Variants in ABCC4 observed in about 807,000 individuals in gnomAD.
ABCC4 encodes ATP binding cassette subfamily C member 4 (PEL blood group).
In ABCC4, 102 loss-of-function variants were observed where a neutral mutation model predicts 168.5. The observed-to-expected ratio is 0.61, with a 90% CI of 0.52 to 0.71. ABCC4 has a LOEUF of 0.71. ABCC4 is among the 30% of genes least tolerant of loss of function. The pLI, the probability that ABCC4 is intolerant of heterozygous loss-of-function variation, is 0.00. For synonymous variants in ABCC4, 617 were observed against 590.7 expected, an observed-to-expected ratio of 1.04 and a Z score of -0.65; for missense variants, 1,402 against 1,605.8, an observed-to-expected ratio of 0.87 and a Z score of 2.17.
In ABCC4 at chr13:95,073,311, A is replaced by G. The variant is rs761621325; in HGVS notation, c.2918-7T>C. The G allele has an allele frequency of 1.2e-6, 2 of 1,608,018 alleles. No homozygotes were observed. The highest frequency in any genetic ancestry group is 1.7e-5 in the Admixed American group (1 of 59,750). On this transcript the variant is annotated splice_region_variant and splice_polypyrimidine_tract_variant and intron_variant, in intron 23 of 30. Coordinates refer to ENST00000645237, the MANE Select transcript of ABCC4 (RefSeq NM_005845.5). ...ACCTGCCCGGCATCCAGAGCTACGT[A>G]AGGAGGAAGAAGGGAATAAAGTCAG...
chr13:95,191,081 A>G (rs974739556), intron 9 of ABCC4, among the ~76,000 whole-genome samples: 17 of 152,216 alleles, frequency 1.1e-4, no homozygotes, highest in Non-Finnish European at 2.2e-4. Flanking sequence ...CAAAACCTAA[A>G]GACACTGAGC....
chr13:95,204,581 T>G (rs1290166623), intron 8 of ABCC4, among the ~76,000 whole-genome samples: 1 of 152,208 alleles, frequency 6.6e-6, no homozygotes, highest in African/African-American at 2.4e-5. Flanking sequence ...CCGCCATGAC[T>G]GTGAGTTTCC....
At chr13:95,063,355 G>C (rs1049534453) in intron 25 of ABCC4, among the ~76,000 whole-genome samples, 1 of 152,158 alleles carries the variant, frequency 6.6e-6, no homozygotes, top group Admixed American at 6.5e-5. Context: ...TCAAGACAGA[G>C]GTGTCAGAAG....
chr13:95,055,034 T>C (rs1046943463), intron 26 of ABCC4, among the ~76,000 whole-genome samples: 6 of 152,168 alleles, frequency 3.9e-5, no homozygotes, highest in African/African-American at 1.4e-4. Context: ...AAGTGGCCAA[T>C]ATCCTTCCAA....
chr13:95,206,556 T>C lies in ABCC4; in HGVS notation c.1137A>G (p.Ala379=). Residue 379 remains alanine, a synonymous_variant, in exon 8 of 31, where the codon GCA becomes GCG. Coordinates refer to ENST00000645237, the MANE Select transcript of ABCC4 (RefSeq NM_005845.5). ...CCTGGATTCTTCGGATGCTGACGAT[T>C]GCCTCTGACACCCTCTCAATGGCTG... is the stretch of plus-strand genomic sequence containing the variant. ...FPSAIERVSE[A]IVSIRRIQTF... The C allele has an allele frequency of 6.2e-7, 1 of 1,613,940 alleles. No homozygotes were observed. The highest frequency in any genetic ancestry group is 8.5e-7 in the Non-Finnish European group (1 of 1,179,820).
chr13:95,237,570 A>G (rs895343598), intron 3 of ABCC4, among the ~76,000 whole-genome samples: 1 of 152,162 alleles, frequency 6.6e-6, no homozygotes, highest in Non-Finnish European at 1.5e-5. Flanking sequence ...TGAATGTTCC[A>G]TACTTCAGGT....
intron 30 of ABCC4, among the ~76,000 whole-genome samples, chr13:95,025,217 A>T (rs1337501588): frequency 4.0e-5 from 1 of 25,152 alleles, no homozygotes; most frequent in Non-Finnish European, 7.0e-5. Context: ...CACCCCCCAC[A>T]CACCCCCACA....
chr13:95,292,762 G>C (rs1435423164), intron 1 of ABCC4, among the ~76,000 whole-genome samples: 4 of 152,120 alleles, frequency 2.6e-5, no homozygotes, highest in Non-Finnish European at 5.9e-5. Flanking sequence ...TAAGGAAAAG[G>C]GGAAGATAGG....
intron 3 of ABCC4, among the ~76,000 whole-genome samples, chr13:95,237,923 G>A (rs577952345): frequency 3.7e-4 from 57 of 152,030 alleles, no homozygotes; most frequent in Non-Finnish European, 6.8e-4. Flanking sequence ...AGCCAGGCGC[G>A]GTGGCTCCCA....
At chr13:95,088,252 A>G (rs2034320157) in intron 20 of ABCC4, among the ~76,000 whole-genome samples, 1 of 152,188 alleles carries the variant, frequency 6.6e-6, no homozygotes, top group South Asian at 2.1e-4. Flanking sequence ...AAGTCCGTCT[A>G]TATGCTACCT....
At chr13:95,139,663 A>G (rs1291380046) in intron 19 of ABCC4, among the ~76,000 whole-genome samples, 1 of 152,210 alleles carries the variant, frequency 6.6e-6, no homozygotes, top group Non-Finnish European at 1.5e-5. Flanking sequence ...TCATAAGATG[A>G]GAATTCATCT....
At chr13:95,294,628 T>C (rs575408599) in intron 1 of ABCC4, among the ~76,000 whole-genome samples, 2 of 152,292 alleles carry the variant, frequency 1.3e-5, no homozygotes, top group Admixed American at 1.3e-4. Context: ...CTCAGTTTCA[T>C]GGTCACCTCT....
intron 6 of ABCC4, among the ~76,000 whole-genome samples, chr13:95,208,941 T>C (rs1359339567): frequency 1.3e-5 from 2 of 152,204 alleles, no homozygotes; most frequent in Non-Finnish European, 2.9e-5. Context: ...TCCTAACACA[T>C]ATGCTACTAG....
At chr13:95,056,648 G>GA (rs1272119900) in intron 26 of ABCC4, among the ~76,000 whole-genome samples, 272 of 63,254 alleles carry the variant, frequency 4.3e-3, no homozygotes, top group East Asian at 0.018. Flanking sequence ...TCAAAAAGAA[G>GA]AAAAAAAAAA....
rs181865354 is a variant in ABCC4 at position 95,090,350 on chromosome 13, G to A, written c.2536-7060C>T. Among the ~76,000 whole-genome samples, 50 of 152,230 alleles carry A rather than the reference G, an allele frequency of 3.3e-4. No homozygotes were observed. The East Asian group carries it at 6.2e-3, about 19-fold the overall frequency. ...GAGCATTAAACCAAAGCTAAGAACCGTCACAGGGTCCATTGCACCCCCCGA... is the reference window on the plus strand; with the variant it reads ...GAGCATTAAACCAAAGCTAAGAACCATCACAGGGTCCATTGCACCCCCCGA... On this transcript the variant is annotated intron_variant, in intron 20 of 30. Coordinates refer to ENST00000645237, the MANE Select transcript of ABCC4 (RefSeq NM_005845.5).
intron 1 of ABCC4, among the ~76,000 whole-genome samples, chr13:95,272,809 A>G (rs2040877901): frequency 6.6e-6 from 1 of 152,040 alleles, no homozygotes; most frequent in African/African-American, 2.4e-5. Context: ...AATCGCTTGA[A>G]CCCGGGAGGC....
intron 11 of ABCC4, among the ~76,000 whole-genome samples, chr13:95,184,132 G>A (rs565975786): frequency 1.1e-4 from 17 of 152,316 alleles, no homozygotes; most frequent in Middle Eastern, 6.8e-3. Context: ...TGCCTGCCAC[G>A]CAGAAGCCCG....
intron 9 of ABCC4, among the ~76,000 whole-genome samples, chr13:95,191,718 T>A (rs1386550832): frequency 6.6e-6 from 1 of 152,184 alleles, no homozygotes; most frequent in Non-Finnish European, 1.5e-5. Flanking sequence ...TACAAAAGGA[T>A]GAAAAAACAC....
rs369830422 is a variant in ABCC4 at position 95,089,358 on chromosome 13, A to T, written c.2536-6068T>A. On this transcript the variant is annotated intron_variant, in intron 20 of 30. Transcript: ENST00000645237. ...ACTAAGTCCGGGCCCGGTGACTCAC[A>T]CCTGTAATCCCAGCACTTTGGGAGG... 5.9e-5 allele frequency among the ~76,000 whole-genome samples: 9 copies of T among 152,302 alleles called. No individual in the cohort carries two copies. The South Asian group carries it at 1.9e-3, about 32-fold the overall frequency.
Sources: gnomAD v4.1 joint callset for allele counts (sites outside exome capture counted in the v4.1 genomes callset) on GRCh38, gnomAD v4.1.1 for gene constraint, MANE v1.5 for transcripts, NCBI Gene and HGNC (gene_info 2026-07-23, HGNC 2026-07-21) for gene names.